Variants in DHX38 observed in about 807,000 individuals in gnomAD.
The protein encoded by DHX38 is DEAH-box helicase 38.
A neutral mutation model predicts 153.1 loss-of-function variants in DHX38; 100 were observed. The ratio of observed to expected loss-of-function variants is 0.65; its 90% CI spans 0.56 to 0.77. The LOEUF (loss-of-function observed/expected upper bound fraction) is 0.77. DHX38 is among the 30% of genes least tolerant of loss of function. The probability of loss-of-function intolerance (pLI) is 0.00; values close to 1 mark genes in which losing one functional copy is unlikely to be tolerated. For missense variants in DHX38, 1,440 were observed against 1,654.0 expected (o/e 0.87, Z 2.24); for synonymous variants, 650 against 631.7 (o/e 1.03, Z -0.43).
Position 72,096,355 on chromosome 16 carries a change from C to A in DHX38, c.198C>A (p.Asp66Glu), listed in dbSNP as rs147365158. Residue 66 changes from aspartate to glutamate, a missense_variant, in exon 2 of 27, where the codon GAC becomes GAA. This residue lies in a region of DHX38 where 483 missense variants were observed against 465.1 expected (regional missense o/e 1.04). Coordinates refer to ENST00000268482, the MANE Select transcript of DHX38 (RefSeq NM_014003.4). ...SLKRREREEK[D>E]DGEDKKKSKV... The stretch of plus-strand genomic sequence containing the variant: ...AACGGAGAGAGCGAGAGGAGAAGGA[C>A]GATGGGGAGGACAAGAAGAAGTCCA... 7 of 1,614,140 alleles carry A rather than the reference C, an allele frequency of 4.3e-6. No individual in the cohort carries two copies. The Admixed American group carries it at 6.7e-5, about 15-fold the overall frequency.
chr16:72,100,783 C>A (rs144051513), intron 9 of DHX38, among the ~76,000 whole-genome samples, 186 bp downstream of exon 9: 31 of 152,246 alleles, frequency 2.0e-4, no homozygotes, highest in Admixed American at 5.2e-4. Context: ...AAAAATTAGC[C>A]GGGTGTGGTG....
chr16:72,096,866 G>A lies in DHX38; in HGVS notation c.368G>A (p.Gly123Asp). Residue 123 changes from glycine (G) to aspartate (D), a missense_variant, in exon 3 of 27, where the codon GGT becomes GAT. Coordinates refer to ENST00000268482, the MANE Select transcript of DHX38 (RefSeq NM_014003.4). ...ARVETPSHPG[G>D]VSEEFWERSR... The stretch of plus-strand genomic sequence containing the variant: ...GTAGAGACTCCATCCCATCCGGGTG[G>A]TGTGAGCGAAGAGTTTTGGGAACGC... 4.3e-6 allele frequency: 7 copies of A among 1,613,988 alleles called. No individual in the cohort carries two copies. The highest frequency in any genetic ancestry group is 5.9e-6 in the Non-Finnish European group (7 of 1,179,924).
chr16:72,106,463 T>C (rs1597446631), intron 19 of DHX38, among the ~76,000 whole-genome samples: 1 of 152,196 alleles, frequency 6.6e-6, no homozygotes, highest in East Asian at 1.9e-4. Context: ...TTTTTTCCAA[T>C]TAGAGACAGG....
chr16:72,103,566 TCGGC>T (rs1392929527), intron 12 of DHX38, 32 bp from the exon 13 acceptor site: 1 of 1,585,162 alleles, frequency 6.3e-7, no homozygotes, highest in Non-Finnish European at 8.6e-7. Flanking sequence ...GCCTTCCACT[TCGGC>T]TGATAAGCCC....
rs1470854424 is a variant in DHX38, at chr16:72,112,351, C to T, written c.3600-62C>T. On this transcript the variant is annotated intron_variant, in intron 26 of 26. Transcript: ENST00000268482. ...AGTAAGTCCTGGGGCTCTGCATCCTCCTGCCCTCCTGGCTGTGGGTGAGGG... is the reference window on the plus strand; with the variant it reads ...AGTAAGTCCTGGGGCTCTGCATCCTTCTGCCCTCCTGGCTGTGGGTGAGGG... 3 of 1,541,094 alleles carry T rather than the reference C, an allele frequency of 1.9e-6. 1 individual carries two copies. Among genetic ancestry groups the T allele is most frequent in the East Asian group, 4.5e-5 (2 of 44,556 alleles).
Position 72,108,597 on chromosome 16 carries a change from C to T in DHX38, c.3245C>T (p.Ala1082Val), listed in dbSNP as rs1179056834. The T allele has an allele frequency of 6.2e-7, 1 of 1,613,870 alleles. No homozygotes were observed. Among genetic ancestry groups the T allele is most frequent in the Non-Finnish European group, 8.5e-7 (1 of 1,179,870 alleles). Residue 1082 changes from alanine to valine, a missense_variant, in exon 23 of 27, where the codon GCC becomes GTC. Around this residue, in one of 6 missense-constraint regions of DHX38, gnomAD observed 543 missense variants for 717.9 expected, o/e 0.76. Transcript: ENST00000268482. The stretch of plus-strand genomic sequence containing the variant: ...TGTGCTGCCTATTTCCACCAAGCAG[C>T]CAAGCTCAAGGTGAACCCAGGAGCC... ...CICAAYFHQAAKLKGIGEYVN... is the reference protein window; with the variant it reads ...CICAAYFHQAVKLKGIGEYVN...
chr16:72,099,721 C>T lies in DHX38; in HGVS notation c.961-11C>T, dbSNP rs201049455. 9.3e-6 allele frequency: 15 copies of T among 1,613,806 alleles called. No individual in the cohort carries two copies. Among genetic ancestry groups the T allele is most frequent in the Admixed American group, 1.7e-5 (1 of 59,980 alleles). On this transcript the variant is annotated splice_polypyrimidine_tract_variant and intron_variant, in intron 7 of 26. Coordinates refer to ENST00000268482, the MANE Select transcript of DHX38 (RefSeq NM_014003.4). ...GTCCCTCACTCCCTTGCTTTGCCTC[C>T]TGCCCTGCAGCAAGCCGATCGGGAT... is the stretch of plus-strand genomic sequence containing the variant.
At position 72,107,715 on chromosome 16, in the gene DHX38, C is replaced by A; in HGVS notation, c.2880C>A (p.Ile960=). 1 of 1,614,148 alleles carries A rather than the reference C, an allele frequency of 6.2e-7. No individual in the cohort carries two copies. Among genetic ancestry groups the A allele is most frequent in the Admixed American group, 1.7e-5 (1 of 60,030 alleles). Residue 960 remains isoleucine, a synonymous_variant, in exon 21 of 27, where the codon ATC becomes ATA. Coordinates refer to ENST00000268482, the MANE Select transcript of DHX38 (RefSeq NM_014003.4). This position sits in a 1 kb window ranked among gnomAD's most constrained non-coding sequence, Gnocchi z 5.3. ...ACCCTGCCCTGTCCAAGATGCTCAT[C>A]GTGTCCTGTGACATGGGCTGCAGCT... ...PLDPALSKML[I]VSCDMGCSSE...
At position 72,101,590 on chromosome 16, in the gene DHX38, G is replaced by T. The variant is rs1461368004; in HGVS notation, c.1477G>T (p.Glu493Ter). ...KEEEPDKAVTEDGKVDYRTEQ... is the reference protein window; with the variant it reads ...KEEEPDKAVT Reference sequence around the variant, plus strand: ...GGAAGAGCCAGATAAAGCTGTGACGGAGGATGGGAAGGTGGACTACAGGTG... The same window carrying T: ...GGAAGAGCCAGATAAAGCTGTGACGTAGGATGGGAAGGTGGACTACAGGTG... Residue 493 changes from glutamate (E) to a stop codon, truncating the protein, a stop_gained, in exon 11 of 27, where the codon GAG becomes TAG. Transcript: ENST00000268482. LOFTEE classifies it high-confidence loss of function. 1 of 1,551,848 alleles carries T rather than the reference G, an allele frequency of 6.4e-7. No individual in the cohort carries two copies. The highest frequency in any genetic ancestry group is 2.4e-5 in the East Asian group (1 of 40,926).
At chr16:72,102,654 T>C (rs1004866462) in intron 11 of DHX38, among the ~76,000 whole-genome samples, 11 of 152,238 alleles carry the variant, frequency 7.2e-5, no homozygotes, top group Admixed American at 2.0e-4. Context: ...TGTCCCGTGC[T>C]CTGCACCCTT....
chr16:72,103,591 T>G lies in DHX38; in HGVS notation c.1638-11T>G. ...TCGGCTGATAAGCCCTTTGCCTGCT[T>G]GTCCTTGTAGAGACAACAGCATCGT... On this transcript the variant is annotated splice_polypyrimidine_tract_variant and intron_variant, in intron 12 of 26. Coordinates refer to ENST00000268482, the MANE Select transcript of DHX38 (RefSeq NM_014003.4). 1.9e-6 allele frequency: 3 copies of G among 1,596,598 alleles called. No individual in the cohort carries two copies. The highest frequency in any genetic ancestry group is 2.6e-6 in the Non-Finnish European group (3 of 1,165,378).
chr16:72,108,094 A>T (rs1309981412), intron 21 of DHX38, 133 bp from the exon 22 acceptor site: 3 of 1,130,384 alleles, frequency 2.7e-6, no homozygotes, highest in Non-Finnish European at 3.7e-6. Flanking sequence ...ATTTTTCTCA[A>T]ATTGTCAGGG....
At chr16:72,110,912 A>AAGTGTAGATCTCG in intron 25 of DHX38, 44 bp from the exon 26 acceptor site, 1 of 1,534,816 alleles carries the variant, frequency 6.5e-7, no homozygotes, top group South Asian at 1.2e-5. Flanking sequence ...CTCCTTCCTT[A>AAGTGTAGATCTCG]GTGGTCCCCA....
In DHX38 at chr16:72,107,481, GC is replaced by G; in HGVS notation, c.2747del (p.Pro916ArgfsTer24). The part of the protein sequence containing the change: ...DLLQFHFMDP[P>X]PEDNMLNSMY... ...TGCTGCAGTTCCACTTCATGGACCC[GC>G]CCCCGGAGGACAACATGCTCAACTC... On this transcript the variant is annotated frameshift_variant, in exon 20 of 27. Transcript: ENST00000268482. LOFTEE classifies it high-confidence loss of function. The surrounding 1 kb of genome is among the most constrained non-coding windows in gnomAD (Gnocchi z 5.3). The G allele has an allele frequency of 6.2e-7, 1 of 1,614,110 alleles. No homozygotes were observed. The highest frequency in any genetic ancestry group is 8.5e-7 in the Non-Finnish European group (1 of 1,180,016).
intron 11 of DHX38, 26 bp from the exon 12 acceptor site, chr16:72,103,048 G>A (rs1451380669): frequency 6.2e-7 from 1 of 1,613,166 alleles, no homozygotes; most frequent in Non-Finnish European, 8.5e-7. Flanking sequence ...ACCATGCAGG[G>A]TGTTTAGGCT....
At position 72,095,996 on chromosome 16, in the gene DHX38, T is replaced by G. The variant is rs1161022583; in HGVS notation, c.-19-143T>G. On this transcript the variant is annotated intron_variant, in intron 1 of 26. Coordinates refer to ENST00000268482, the MANE Select transcript of DHX38 (RefSeq NM_014003.4). The stretch of plus-strand genomic sequence containing the variant: ...TAGGCAGTGACTTGATGGAAAGGTC[T>G]TGGAGAGAGGGAGCAAAAGTAGTCC... 33 of 825,908 alleles carry G rather than the reference T, an allele frequency of 4.0e-5. 2 individuals are homozygous for G. In the South Asian group the frequency reaches 4.8e-4, roughly 12 times the overall value. The allele number at this position is 825,908 out of a possible 1,614,324, so 51.2% of individuals were successfully genotyped here. A position where few individuals can be genotyped will look rare whatever the true frequency, so the allele number is the denominator to read the frequency against.
In DHX38 at chr16:72,107,228, G is replaced by A. The variant is rs568400230; in HGVS notation, c.2601-112G>A. 626 of 1,132,986 alleles carry A rather than the reference G, an allele frequency of 5.5e-4. No individual in the cohort carries two copies. Among genetic ancestry groups the A allele is most frequent in the Non-Finnish European group, 6.9e-4 (554 of 801,926 alleles). 70.2% of individuals were successfully genotyped at this position (1,132,986 alleles called of 1,614,324 possible). ...AGGTGGAAGTCAGTGATTCACTGAA[G>A]TAGTGGGTGGGGAGAAGAAATGAGA... On this transcript the variant is annotated intron_variant, in intron 19 of 26. Transcript: ENST00000268482. The surrounding 1 kb of genome is among the most constrained non-coding windows in gnomAD (Gnocchi z 5.3).
intron 19 of DHX38, 27 bp downstream of exon 19, chr16:72,106,144 C>G (rs2042173534): frequency 1.2e-6 from 2 of 1,609,428 alleles, no homozygotes; most frequent in Non-Finnish European, 8.5e-7. Context: ...AGCCTGCTTT[C>G]TGGGGCAGCG....
chr16:72,108,615 CA>C lies in DHX38; in HGVS notation c.3255+9del. The C allele has an allele frequency of 1.2e-6, 2 of 1,612,564 alleles. No homozygotes were observed. Among genetic ancestry groups the C allele is most frequent in the Non-Finnish European group, 1.7e-6 (2 of 1,179,048 alleles). Reference sequence around the variant, plus strand: ...CAAGCAGCCAAGCTCAAGGTGAACCCAGGAGCCCAGTGAGCCCCTCCCAGCC... The same window carrying C: ...CAAGCAGCCAAGCTCAAGGTGAACCCGGAGCCCAGTGAGCCCCTCCCAGCC... On this transcript the variant is annotated intron_variant, in intron 23 of 26. Transcript: ENST00000268482.
Sources: gnomAD v4.1 joint callset for allele counts (sites outside exome capture counted in the v4.1 genomes callset) on GRCh38, gnomAD v4.1.1 for gene constraint, gnomAD v4.1.1 regional missense constraint, Gnocchi (gnomAD v3.1) non-coding constraint, MANE v1.5 for transcripts, NCBI Gene and HGNC (gene_info 2026-07-23, HGNC 2026-07-21) for gene names.